Variants in ORC5 observed in about 807,000 individuals in gnomAD.
ORC5 encodes the protein protein phosphatase 1, regulatory subunit 117.
A neutral mutation model predicts 58.8 loss-of-function variants in ORC5; 39 were observed. The ratio of observed to expected loss-of-function variants is 0.66; its 90% CI spans 0.51 to 0.87. The LOEUF (loss-of-function observed/expected upper bound fraction) is 0.87. Among genes scored for constraint, ORC5 ranks in the 40% least tolerant of loss-of-function variants. ORC5 has a pLI of 0.00. For missense variants in ORC5, 493 were observed against 506.3 expected, an observed-to-expected ratio of 0.97 and a Z score of 0.25; for synonymous variants, 218 against 177.6, an observed-to-expected ratio of 1.23 and a Z score of -1.81.
At chr7:104,150,227 C>T (rs1366574107) in intron 12 of ORC5, among the ~76,000 whole-genome samples, 1 of 152,176 alleles carries the variant, frequency 6.6e-6, no homozygotes, top group African/African-American at 2.4e-5. Context: ...TTTATACGTT[C>T]ATAGGTTGTT....
At chr7:104,148,215 C>T (rs933176951) in intron 12 of ORC5, among the ~76,000 whole-genome samples, 3 of 152,152 alleles carry the variant, frequency 2.0e-5, no homozygotes, top group African/African-American at 7.2e-5. Context: ...GAGTAAATTG[C>T]TCAAGGTCAC....
chr7:104,169,104 C>A (rs530166732), intron 8 of ORC5, among the ~76,000 whole-genome samples: 3 of 152,088 alleles, frequency 2.0e-5, no homozygotes, highest in African/African-American at 4.8e-5. Context: ...AAACAAAAAA[C>A]CAATAAATAC....
At position 104,204,185 on chromosome 7, in the gene ORC5, C is replaced by A; in HGVS notation, c.122G>T (p.Ser41Ile). The A allele has an allele frequency of 6.2e-7, 1 of 1,601,662 alleles. No homozygotes were observed. The highest frequency in any genetic ancestry group is 8.5e-7 in the Non-Finnish European group (1 of 1,173,952). The change falls in exon 2 of 14, where the codon AGT becomes ATT. Residue 41 changes from serine to isoleucine, a missense_variant. This residue lies in a region of ORC5 where 412 missense variants were observed against 403.7 expected (regional missense o/e 1.02). Transcript: ENST00000297431. ...PSIFIYGHTA[S>I]GKTYVTQTLL... The stretch of plus-strand genomic sequence containing the variant: ...CGTTTGTGTTACATAGGTCTTTCCA[C>A]TAGCAGTATGTCCATAAATAAAAAT...
intron 1 of ORC5, 91 bp downstream of exon 1, chr7:104,207,742 A>G: frequency 2.3e-6 from 3 of 1,297,520 alleles, no homozygotes; most frequent in East Asian, 2.3e-5. Context: ...TTGGCCCTCA[A>G]TCCAAACACG....
At chr7:104,154,873 G>A (rs762987432) in intron 12 of ORC5, among the ~76,000 whole-genome samples, 18 of 151,576 alleles carry the variant, frequency 1.2e-4, no homozygotes, top group Non-Finnish European at 2.1e-4. Flanking sequence ...TCTATTTTTG[G>A]TGTAATAAAA....
intron 10 of ORC5, 79 bp from the exon 11 acceptor site, chr7:104,165,361 G>T: frequency 1.3e-6 from 1 of 787,424 alleles, no homozygotes; most frequent in South Asian, 1.6e-5. Context: ...TTTAAAACAT[G>T]GCACACATAA....
intron 8 of ORC5, among the ~76,000 whole-genome samples, chr7:104,170,228 A>C (rs1276148161): frequency 6.6e-6 from 1 of 152,028 alleles, no homozygotes; most frequent in African/African-American, 2.4e-5. Flanking sequence ...GTTATTTTTA[A>C]AGTCTAAATG....
At chr7:104,187,157 T>C (rs564909029) in intron 6 of ORC5, among the ~76,000 whole-genome samples, 3 of 152,264 alleles carry the variant, frequency 2.0e-5, no homozygotes, top group South Asian at 2.1e-4. Flanking sequence ...CTCACTCAGG[T>C]GCGTTTTCCT....
intron 12 of ORC5, among the ~76,000 whole-genome samples, chr7:104,152,512 C>A (rs150893635): frequency 6.6e-6 from 1 of 152,146 alleles, no homozygotes; most frequent in African/African-American, 2.4e-5. Flanking sequence ...TATCTCCTAT[C>A]TGTTCTTATT....
chr7:104,140,847 T>C (rs1260060510), intron 12 of ORC5, among the ~76,000 whole-genome samples: 2 of 152,244 alleles, frequency 1.3e-5, no homozygotes, highest in African/African-American at 4.8e-5. Flanking sequence ...TCCTACATTT[T>C]GCCTTTTAGC....
At chr7:104,201,002 A>T in intron 2 of ORC5, 44 bp from the exon 3 acceptor site, 1 of 1,503,742 alleles carries the variant, frequency 6.7e-7, no homozygotes, top group Non-Finnish European at 9.2e-7. Context: ...AAGAAAACAC[A>T]CAAACACAAT....
intron 13 of ORC5, among the ~76,000 whole-genome samples, chr7:104,128,953 A>G (rs942744389): frequency 5.3e-5 from 8 of 152,030 alleles, no homozygotes; most frequent in African/African-American, 1.9e-4. Flanking sequence ...TAAGATTAAA[A>G]CAACTTAAAT....
chr7:104,150,906 T>A (rs1240143546), intron 12 of ORC5, among the ~76,000 whole-genome samples: 2 of 152,164 alleles, frequency 1.3e-5, no homozygotes, highest in Non-Finnish European at 2.9e-5. Context: ...AACATAATTA[T>A]CTGACTATAG....
chr7:104,176,529 C>G (rs913562583), intron 8 of ORC5, among the ~76,000 whole-genome samples: 1 of 150,622 alleles, frequency 6.6e-6, no homozygotes, highest in Non-Finnish European at 1.5e-5. Context: ...GTCAGTCTTA[C>G]GATCTCTCTG....
chr7:104,158,171 TG>T (rs1319739824), intron 12 of ORC5, among the ~76,000 whole-genome samples: 1 of 152,122 alleles, frequency 6.6e-6, no homozygotes, highest in Non-Finnish European at 1.5e-5. Context: ...AATCTAGAAT[TG>T]ATCTCTTTCT....
intron 2 of ORC5, among the ~76,000 whole-genome samples, chr7:104,201,916 TC>T (rs1799954553): frequency 1.4e-5 from 1 of 72,744 alleles, no homozygotes; most frequent in Non-Finnish European, 2.6e-5. Flanking sequence ...ACAGTGAGAC[TC>T]TGTCTTTAAA....
Position 104,126,783 on chromosome 7 carries a change from T to C in ORC5, c.*65A>G. The C allele has an allele frequency of 2.4e-6, 3 of 1,233,806 alleles. No individual in the cohort carries two copies. Among genetic ancestry groups the C allele is most frequent in the Non-Finnish European group, 3.5e-6 (3 of 857,602 alleles). 76.4% of individuals were successfully genotyped at this position (1,233,806 alleles called of 1,614,324 possible). Reference sequence around the variant, plus strand: ...GAACTCCTCTCCTTGGCCAGCTAAGTAGCTGGATGAACACAGCTTGGCTTA... The same window carrying C: ...GAACTCCTCTCCTTGGCCAGCTAAGCAGCTGGATGAACACAGCTTGGCTTA... On this transcript the variant is annotated 3_prime_UTR_variant, in exon 14 of 14. Coordinates refer to ENST00000297431, the MANE Select transcript of ORC5 (RefSeq NM_002553.4).
At position 104,136,665 on chromosome 7, in the gene ORC5, C is replaced by T. The variant is rs1337124523; in HGVS notation, c.1262+116G>A. The T allele has an allele frequency of 6.1e-6, 4 of 650,452 alleles. No individual in the cohort carries two copies. The highest frequency in any genetic ancestry group is 1.1e-5 in the Non-Finnish European group (4 of 373,166). The allele number at this position is 650,452 out of a possible 1,614,324, so 40.3% of individuals were successfully genotyped here. ...CATTCTATCGTACAGCTTATTCATT[C>T]TTGGCACTTAAATAGATGATTTTTT... On this transcript the variant is annotated intron_variant, in intron 13 of 13. Transcript: ENST00000297431. This position sits in a 1 kb window ranked among gnomAD's most constrained non-coding sequence, Gnocchi z 4.2.
intron 11 of ORC5, among the ~76,000 whole-genome samples, chr7:104,161,396 G>A (rs531361188): frequency 3.3e-5 from 5 of 152,116 alleles, no homozygotes; most frequent in Admixed American, 2.6e-4. Context: ...GACAAGGTCC[G>A]CTGTCACCCA....
Sources: gnomAD v4.1 joint callset for allele counts (sites outside exome capture counted in the v4.1 genomes callset) on GRCh38, gnomAD v4.1.1 for gene constraint, gnomAD v4.1.1 regional missense constraint, Gnocchi (gnomAD v3.1) non-coding constraint, MANE v1.5 for transcripts, NCBI Gene and HGNC (gene_info 2026-07-23, HGNC 2026-07-21) for gene names.